The following FGF13 variants were observed in gnomAD, a reference collection of about 807,000 sequenced individuals.
The protein encoded by FGF13 is fibroblast growth factor 13.
FGF13 carries 2 observed loss-of-function variants against 19.5 expected under a neutral mutation model. The ratio of observed to expected loss-of-function variants is 0.10; its 90% CI spans 0.04 to 0.32. The LOEUF is 0.32. Among genes scored for constraint, FGF13 ranks in the 10% least tolerant of loss-of-function variants. The pLI is 1.00. For missense variants in FGF13, 113 were observed against 192.7 expected (o/e 0.59, Z 2.45); for synonymous variants, 72 against 76.9 (o/e 0.94, Z 0.33).
rs187426697 is a variant in FGF13 at position 139,128,383 on chromosome X, C to G, written c.-113+75033G>C. 9.4e-4 allele frequency among the ~76,000 whole-genome samples: 105 copies of G among 111,866 alleles called. 1 individual carries two copies. The highest frequency in any genetic ancestry group is 3.0e-3 in the African/African-American group (92 of 30,825). On this transcript the variant is annotated intron_variant, in intron 1 of 2. Transcript: ENST00000421460. ...ACCAATCATTATATACTACCACAAT[C>G]CCCTAGGCCCACTTGGTTCTCTGGA... is the stretch of plus-strand genomic sequence containing the variant.
intron 1 of FGF13, among the ~76,000 whole-genome samples, chrX:139,195,403 T>A (rs1164752166): frequency 8.9e-6 from 1 of 112,418 alleles, no homozygotes; most frequent in East Asian, 2.8e-4. Context: ...TTCTCAATAC[T>A]TTCAAAGTCA....
At chrX:138,807,564 T>C (rs2090879849) in intron 3 of FGF13, among the ~76,000 whole-genome samples, 1 of 111,745 alleles carries the variant, frequency 8.9e-6, no homozygotes, top group Non-Finnish European at 1.9e-5. Context: ...GCTAACATCA[T>C]AATGACAGGA....
chrX:139,064,327 G>A (rs1603173807), intron 1 of FGF13, among the ~76,000 whole-genome samples: 1 of 50,835 alleles, frequency 2.0e-5, no homozygotes, highest in Non-Finnish European at 3.0e-5. Context: ...ACGGAGTCTC[G>A]CTCTGTCGCC....
At chrX:139,120,680 C>T (rs1364483141) in intron 1 of FGF13, among the ~76,000 whole-genome samples, 1 of 112,423 alleles carries the variant, frequency 8.9e-6, no homozygotes, top group East Asian at 2.8e-4. Context: ...CTGCTAAAGG[C>T]CCCCAACAGG....
At chrX:138,920,465 G>A (rs1340777069) in intron 1 of FGF13, among the ~76,000 whole-genome samples, 1 of 111,490 alleles carries the variant, frequency 9.0e-6, no homozygotes, top group Admixed American at 9.5e-5. Flanking sequence ...AGCATCAGCT[G>A]AAATTAATTT....
At chrX:138,785,946 A>G (rs1366932532) in intron 3 of FGF13, among the ~76,000 whole-genome samples, 1 of 111,778 alleles carries the variant, frequency 8.9e-6, no homozygotes, top group Non-Finnish European at 1.9e-5. Context: ...GATTGATTCC[A>G]CTCATTTTCA....
At chrX:138,642,676 C>A (rs2089263643) in intron 3 of FGF13, among the ~76,000 whole-genome samples, 1 of 112,119 alleles carries the variant, frequency 8.9e-6, no homozygotes, top group African/African-American at 3.2e-5. Context: ...TAAATTCTAT[C>A]AAAAATTAGG....
chrX:139,169,506 G>A (rs962553931), intron 1 of FGF13, among the ~76,000 whole-genome samples: 1 of 109,757 alleles, frequency 9.1e-6, no homozygotes, highest in African/African-American at 3.3e-5. Flanking sequence ...ATCTTGCTCT[G>A]TTGCCCAAGC....
chrX:138,752,802 T>C (rs2090407134), intron 3 of FGF13, among the ~76,000 whole-genome samples: 1 of 112,053 alleles, frequency 8.9e-6, no homozygotes, highest in Non-Finnish European at 1.9e-5. Context: ...GCACAGACCA[T>C]GGGTTTAATC....
intron 3 of FGF13, among the ~76,000 whole-genome samples, chrX:138,811,392 C>T (rs910276432): frequency 9.1e-6 from 1 of 110,138 alleles, no homozygotes; most frequent in African/African-American, 3.3e-5. Flanking sequence ...GGGAACTGAA[C>T]AATGAGAACA....
intron 1 of FGF13, among the ~76,000 whole-genome samples, chrX:138,888,823 T>C (rs1241423592): frequency 8.9e-6 from 1 of 111,789 alleles, no homozygotes; most frequent in African/African-American, 3.3e-5. Context: ...ACGTTCCAAA[T>C]GAAGAAACTC....
chrX:138,853,620 C>CGT (rs34651876), downstream of FGF13, among the ~76,000 whole-genome samples: 12,941 of 99,722 alleles, frequency 0.13, 776 homozygotes, highest in Middle Eastern at 0.2. Context: ...TGTGCGTGTG[C>CGT]GTGTGTGTGT....
At chrX:138,878,284 A>G (rs2091402654) in intron 1 of FGF13, among the ~76,000 whole-genome samples, 1 of 93,927 alleles carries the variant, frequency 1.1e-5, no homozygotes, top group Non-Finnish European at 2.1e-5. Context: ...TATATCTCCT[A>G]ATGCTATCCC....
At chrX:138,708,207 A>G (rs944048715) in intron 2 of FGF13, among the ~76,000 whole-genome samples, 2 of 112,548 alleles carry the variant, frequency 1.8e-5, no homozygotes, top group African/African-American at 6.5e-5. Context: ...TCTTTCAGTA[A>G]TTGGAAATAA....
intron 3 of FGF13, among the ~76,000 whole-genome samples, chrX:138,783,120 G>C (rs1399119484): frequency 2.3e-3 from 226 of 97,521 alleles, no homozygotes; most frequent in South Asian, 6.6e-3. Context: ...TATGGAGAAA[G>C]CTGAAACTGG....
At chrX:139,123,056 C>T (rs1603209985) in intron 1 of FGF13, among the ~76,000 whole-genome samples, 1 of 110,396 alleles carries the variant, frequency 9.1e-6, no homozygotes, top group Non-Finnish European at 1.9e-5. Context: ...TCCAGGGTGG[C>T]GGGAGCAAAA....
chrX:138,938,622 T>C (rs1203470568), intron 1 of FGF13, among the ~76,000 whole-genome samples: 3 of 111,383 alleles, frequency 2.7e-5, no homozygotes, highest in Non-Finnish European at 5.6e-5. Context: ...TGGCATAGTC[T>C]CACCCATGCC....
At chrX:138,983,498 T>C (rs1473288911) in intron 1 of FGF13, among the ~76,000 whole-genome samples, 1 of 104,468 alleles carries the variant, frequency 9.6e-6, no homozygotes. Context: ...CCTGTTAGGA[T>C]GGCTACTATC....
intron 1 of FGF13, among the ~76,000 whole-genome samples, chrX:139,039,698 A>T (rs2092262841): frequency 9.0e-6 from 1 of 111,372 alleles, no homozygotes. Flanking sequence ...ATTTCTAATT[A>T]CCGGGATTGA....
Sources: allele counts gnomAD v4.1 joint callset (sites outside exome capture counted in the v4.1 genomes callset), GRCh38; gene constraint gnomAD v4.1.1; transcripts MANE v1.5; gene names NCBI Gene and HGNC (gene_info 2026-07-23, HGNC 2026-07-21).